Variants in SNTB1 observed in about 807,000 individuals in gnomAD.
The protein encoded by SNTB1 is beta-1-syntrophin.
SNTB1 carries 36 observed loss-of-function variants against 48.9 expected under a neutral mutation model. The ratio of observed to expected loss-of-function variants is 0.74; its 90% CI spans 0.56 to 0.97. SNTB1 has a LOEUF of 0.97. Among genes scored for constraint, SNTB1 ranks in the 50% least tolerant of loss-of-function variants. SNTB1 has a pLI of 0.00. For missense variants in SNTB1, 786 were observed against 703.4 expected (o/e 1.12, Z -1.33); for synonymous variants, 299 against 294.6 (o/e 1.01, Z -0.15).
intron 1 of SNTB1, among the ~76,000 whole-genome samples, chr8:120,753,273 A>C (rs1819253888): frequency 6.6e-6 from 1 of 152,198 alleles, no homozygotes; most frequent in Non-Finnish European, 1.5e-5. Flanking sequence ...TCCTTCCAGC[A>C]TCATGCCTTC....
chr8:120,670,157 G>C (rs1817735767), intron 2 of SNTB1, among the ~76,000 whole-genome samples: 1 of 152,182 alleles, frequency 6.6e-6, no homozygotes, highest in Non-Finnish European at 1.5e-5. Flanking sequence ...ATATGGGATT[G>C]TGCTTCAGCA....
chr8:120,639,002 T>C (rs200545724), intron 2 of SNTB1, among the ~76,000 whole-genome samples: 6 of 152,326 alleles, frequency 3.9e-5, no homozygotes, highest in South Asian at 2.1e-4. Flanking sequence ...TTTACAGTCC[T>C]ACCAACAGTA....
chr8:120,724,938 C>T (rs1391796069), intron 1 of SNTB1, among the ~76,000 whole-genome samples: 1 of 152,198 alleles, frequency 6.6e-6, no homozygotes, highest in Non-Finnish European at 1.5e-5. Context: ...AATGTGGCAG[C>T]TGCTCATGGG....
intron 1 of SNTB1, among the ~76,000 whole-genome samples, chr8:120,712,535 C>G (rs190162594): frequency 3.8e-4 from 58 of 152,016 alleles, no homozygotes; most frequent in African/African-American, 1.3e-3. Flanking sequence ...GATAGAAGCA[C>G]TATTAAGTCC....
intron 4 of SNTB1, among the ~76,000 whole-genome samples, chr8:120,562,180 A>G (rs949075945): frequency 3.9e-5 from 6 of 152,272 alleles, no homozygotes; most frequent in African/African-American, 1.4e-4. Context: ...ACATTTATCA[A>G]TCACTTATGT....
intron 1 of SNTB1, among the ~76,000 whole-genome samples, chr8:120,731,346 A>G (rs1397625210): frequency 1.3e-5 from 2 of 152,192 alleles, no homozygotes; most frequent in Non-Finnish European, 2.9e-5. Context: ...TACAACCACA[A>G]TATACAGGAA....
chr8:120,681,534 G>A (rs1817931565), intron 2 of SNTB1, among the ~76,000 whole-genome samples: 2 of 152,140 alleles, frequency 1.3e-5, no homozygotes, highest in South Asian at 4.1e-4. Flanking sequence ...TGAAAAGAGG[G>A]CCCTAAATGA....
At chr8:120,773,431 T>C (rs1361849861) in intron 1 of SNTB1, among the ~76,000 whole-genome samples, 1 of 152,212 alleles carries the variant, frequency 6.6e-6, no homozygotes, top group African/African-American at 2.4e-5. Flanking sequence ...CCTGGAAGAA[T>C]TCCAGATTGT....
At chr8:120,728,335 T>C (rs61541466) in intron 1 of SNTB1, among the ~76,000 whole-genome samples, 3,204 of 152,280 alleles carry the variant, frequency 0.021, 103 homozygotes, top group African/African-American at 0.072. Context: ...TTTTTTCTCC[T>C]TTTTCAAAAT....
chr8:120,541,563 A>T (rs1815289861), intron 6 of SNTB1, among the ~76,000 whole-genome samples: 1 of 152,182 alleles, frequency 6.6e-6, no homozygotes, highest in South Asian at 2.1e-4. Context: ...TAAGAATTTA[A>T]TCTAACTTTG....
intron 1 of SNTB1, among the ~76,000 whole-genome samples, chr8:120,715,364 T>TC (rs1225143939): frequency 5.9e-5 from 9 of 152,234 alleles, no homozygotes; most frequent in Admixed American, 5.9e-4. Context: ...ATTTATATTT[T>TC]ATTTTTATAC....
intron 1 of SNTB1, among the ~76,000 whole-genome samples, chr8:120,723,123 T>TAGTTTAGATAA: frequency 6.6e-6 from 1 of 152,222 alleles, no homozygotes; most frequent in East Asian, 1.9e-4. Flanking sequence ...TGGAGACCAT[T>TAGTTTAGATAA]AGTTTAGATA....
At chr8:120,806,430 G>A (rs1820338160) in intron 1 of SNTB1, among the ~76,000 whole-genome samples, 1 of 152,144 alleles carries the variant, frequency 6.6e-6, no homozygotes, top group Non-Finnish European at 1.5e-5. Context: ...TATGACCTCT[G>A]ATGTAGTTGT....
intron 3 of SNTB1, among the ~76,000 whole-genome samples, chr8:120,596,338 A>G (rs1816325245): frequency 6.6e-6 from 1 of 152,224 alleles, no homozygotes; most frequent in Admixed American, 6.5e-5. Context: ...GAGTATATCT[A>G]TATGTCTGTT....
At chr8:120,774,122 G>T (rs561746314) in intron 1 of SNTB1, among the ~76,000 whole-genome samples, 1 of 152,352 alleles carries the variant, frequency 6.6e-6, no homozygotes, top group South Asian at 2.1e-4. Context: ...AATCCAAGTG[G>T]GAGGATGATG....
intron 2 of SNTB1, among the ~76,000 whole-genome samples, chr8:120,642,039 G>A (rs1265773131): frequency 6.6e-6 from 1 of 152,112 alleles, no homozygotes; most frequent in African/African-American, 2.4e-5. Context: ...CCCATCTCAG[G>A]CCTACTTAAC....
chr8:120,597,563 C>A (rs973683767), intron 3 of SNTB1, among the ~76,000 whole-genome samples: 1 of 152,200 alleles, frequency 6.6e-6, no homozygotes, highest in South Asian at 2.1e-4. Context: ...AAATGAGTAT[C>A]CTTTACAAGA....
At chr8:120,745,830 C>G (rs1486054086) in intron 1 of SNTB1, among the ~76,000 whole-genome samples, 1 of 152,156 alleles carries the variant, frequency 6.6e-6, no homozygotes, top group Non-Finnish European at 1.5e-5. Context: ...TCTTGTCCCA[C>G]TGCCCCCGTA....
At chr8:120,755,295 T>C (rs1323095610) in intron 1 of SNTB1, among the ~76,000 whole-genome samples, 1 of 151,740 alleles carries the variant, frequency 6.6e-6, no homozygotes, top group Non-Finnish European at 1.5e-5. Flanking sequence ...TGGGTGTAGA[T>C]TGAACTAAAC....
Sources: gnomAD v4.1 joint callset for allele counts (sites outside exome capture counted in the v4.1 genomes callset) on GRCh38, gnomAD v4.1.1 for gene constraint, MANE v1.5 for transcripts, NCBI Gene and HGNC (gene_info 2026-07-23, HGNC 2026-07-21) for gene names.